MAN1C1: variants seen among roughly 807,000 people sequenced by gnomAD.
MAN1C1 encodes the protein mannosidase alpha class 1C member 1, also known as mannosyl-oligosaccharide 1,2-alpha-mannosidase IC.
In MAN1C1, 49 loss-of-function variants were observed where a neutral mutation model predicts 71.5. The ratio of observed to expected loss-of-function variants is 0.69; its 90% CI spans 0.54 to 0.87. The LOEUF (loss-of-function observed/expected upper bound fraction) is 0.87, where lower values mean the gene tolerates loss of function less well. Among genes scored for constraint, MAN1C1 ranks in the 40% least tolerant of loss-of-function variants. The pLI is 0.00. For synonymous variants in MAN1C1, 352 were observed against 343.7 expected, an observed-to-expected ratio of 1.02 and a Z score of -0.27; for missense variants, 743 against 835.0, an observed-to-expected ratio of 0.89 and a Z score of 1.36.
chr1:25,679,178 G>A (rs559584587), intron 1 of MAN1C1, among the ~76,000 whole-genome samples: 1 of 152,332 alleles, frequency 6.6e-6, no homozygotes, highest in African/African-American at 2.4e-5. Flanking sequence ...GGGCATGAGG[G>A]CTGAAGCCTG....
chr1:25,715,567 C>T (rs2046669757), intron 2 of MAN1C1, among the ~76,000 whole-genome samples: 1 of 152,238 alleles, frequency 6.6e-6, no homozygotes, highest in Non-Finnish European at 1.5e-5. Context: ...GCTCTGCCCT[C>T]AGAGAGCATC....
intron 6 of MAN1C1, among the ~76,000 whole-genome samples, chr1:25,762,995 CA>C (rs1285552126): frequency 2.0e-5 from 3 of 152,030 alleles, no homozygotes; most frequent in Non-Finnish European, 4.4e-5. Flanking sequence ...AGGCCAGGCA[CA>C]GTGACTCACG....
chr1:25,713,208 T>C (rs1307588923), intron 2 of MAN1C1, among the ~76,000 whole-genome samples: 4 of 151,450 alleles, frequency 2.6e-5, no homozygotes, highest in Admixed American at 6.6e-5. Context: ...CAGTGCTCTT[T>C]CTACTATATG....
intron 2 of MAN1C1, among the ~76,000 whole-genome samples, chr1:25,699,384 A>G (rs969693448): frequency 1.3e-5 from 2 of 151,712 alleles, no homozygotes; most frequent in Non-Finnish European, 2.9e-5. Flanking sequence ...AAAGTCCTAG[A>G]TGGGAGATGT....
In MAN1C1 at chr1:25,617,084, T is replaced by C. The variant is rs1288184603; in HGVS notation, c.-714T>C. On this transcript the variant is annotated 5_prime_UTR_variant, in exon 1 of 12. Transcript: ENST00000374332. This position sits in a 1 kb window ranked among gnomAD's most constrained non-coding sequence, Gnocchi z 5.1. ...CCGCGGCTCCGGACCCAGGCATCCC[T>C]GCGCTGTCTGGGGCCCGGGGGAAGC... is the stretch of plus-strand genomic sequence containing the variant. 6.6e-6 allele frequency among the ~76,000 whole-genome samples: 1 copy of C among 151,754 alleles called. No individual in the cohort carries two copies. The highest frequency in any genetic ancestry group is 1.5e-5 in the Non-Finnish European group (1 of 67,876).
intron 2 of MAN1C1, among the ~76,000 whole-genome samples, chr1:25,743,878 TG>T (rs1314044173): frequency 2.6e-5 from 4 of 151,822 alleles, no homozygotes; most frequent in Non-Finnish European, 5.9e-5. Flanking sequence ...CTGATCAGAG[TG>T]GGTGGGGTGG....
At chr1:25,781,425 G>T (rs549104538) in intron 10 of MAN1C1, among the ~76,000 whole-genome samples, 50 of 146,164 alleles carry the variant, frequency 3.4e-4, no homozygotes, top group African/African-American at 1.1e-3. Flanking sequence ...CACCACGCAG[G>T]CACCACGCGG....
Position 25,617,981 on chromosome 1 carries a change from G to A in MAN1C1, c.184G>A (p.Gly62Ser). 6.2e-7 allele frequency: 1 copy of A among 1,607,028 alleles called. No individual in the cohort carries two copies. Among genetic ancestry groups the A allele is most frequent in the Non-Finnish European group, 8.5e-7 (1 of 1,177,618 alleles). ...CCTGGCCCCCCGGACCCAGCAGCCTGGTCTGGAAGTGGTGGCTGAAATCGC... is the reference window on the plus strand; with the variant it reads ...CCTGGCCCCCCGGACCCAGCAGCCTAGTCTGGAAGTGGTGGCTGAAATCGC... ...LFLAPRTQQP[G>S]LEVVAEIAGH... is the part of the protein sequence containing the mutation. The change falls in exon 1 of 12, where the codon GGT becomes AGT. Residue 62 changes from glycine (G) to serine (S), a missense_variant. By Grantham distance (56) the Gly-to-Ser change is moderately conservative. Transcript: ENST00000374332. The surrounding 1 kb of genome is among the most constrained non-coding windows in gnomAD (Gnocchi z 5.1).
intron 8 of MAN1C1, 93 bp downstream of exon 8, chr1:25,771,865 A>G (rs1325775110): frequency 4.3e-6 from 4 of 920,836 alleles, no homozygotes; most frequent in Admixed American, 3.7e-5. Context: ...GCGGGGCCAG[A>G]TGGGCCGAGA....
chr1:25,722,427 C>T (rs2046779142), intron 2 of MAN1C1, among the ~76,000 whole-genome samples: 1 of 152,136 alleles, frequency 6.6e-6, no homozygotes, highest in African/African-American at 2.4e-5. Context: ...GCTGGTCCTC[C>T]AATTTATCTT....
intron 1 of MAN1C1, among the ~76,000 whole-genome samples, chr1:25,657,871 G>T (rs1295515303): frequency 6.6e-6 from 1 of 152,212 alleles, no homozygotes; most frequent in Non-Finnish European, 1.5e-5. Flanking sequence ...TCTGCATTGA[G>T]GCCCCAGGGA....
chr1:25,742,090 C>A (rs1317459140), intron 2 of MAN1C1, among the ~76,000 whole-genome samples: 1 of 152,198 alleles, frequency 6.6e-6, no homozygotes, highest in African/African-American at 2.4e-5. Flanking sequence ...AAGAGGTTAG[C>A]TAGTGGAACC....
Position 25,779,794 on chromosome 1 carries a change from G to A in MAN1C1, c.1478-1146G>A, listed in dbSNP as rs1347501035. Among the ~76,000 whole-genome samples the A allele has an allele frequency of 6.6e-6, 1 of 152,214 alleles. No homozygotes were observed. The highest frequency in any genetic ancestry group is 1.5e-5 in the Non-Finnish European group (1 of 68,038). ...CTCTTCCCTGAAGCCCTCCATGGAAGAGCAGGAAGTCCTGCAAACCTCTAA... is the reference window on the plus strand; with the variant it reads ...CTCTTCCCTGAAGCCCTCCATGGAAAAGCAGGAAGTCCTGCAAACCTCTAA... On this transcript the variant is annotated intron_variant, in intron 9 of 11. Transcript: ENST00000374332. The surrounding 1 kb of genome is among the most constrained non-coding windows in gnomAD (Gnocchi z 4.6).
intron 2 of MAN1C1, chr1:25,709,889 G>T (rs1572166237): frequency 6.6e-6 from 1 of 152,168 alleles, no homozygotes; most frequent in Admixed American, 6.6e-5. Context: ...AGGATTACAG[G>T]CGCCCGCAAC....
rs1057254512 is a variant in MAN1C1 at position 25,753,998 on chromosome 1, G to A, written c.929+420G>A. ...TTCCCCCGCTGGGGTTCCGGAGCCA[G>A]CAGGCACATCACACCATCCTCCTCC... On this transcript the variant is annotated intron_variant, in intron 5 of 11. Transcript: ENST00000374332. This position sits in a 1 kb window ranked among gnomAD's most constrained non-coding sequence, Gnocchi z 4.9. 3.9e-5 allele frequency among the ~76,000 whole-genome samples: 6 copies of A among 152,156 alleles called. No homozygotes were observed. The highest frequency in any genetic ancestry group is 1.9e-4 in the East Asian group (1 of 5,192).
chr1:25,634,571 G>A lies in MAN1C1; in HGVS notation c.540+16234G>A, dbSNP rs1482961354. ...ATGGTGGCTCACACCTGTAATCCTA[G>A]CACTTTGAGAGGCTGAGGTGGGAGG... On this transcript the variant is annotated intron_variant, in intron 1 of 11. Coordinates refer to ENST00000374332, the MANE Select transcript of MAN1C1 (RefSeq NM_020379.4). The surrounding 1 kb of genome is among the most constrained non-coding windows in gnomAD (Gnocchi z 4.6). Among the ~76,000 whole-genome samples, 2 of 152,162 alleles carry A rather than the reference G, an allele frequency of 1.3e-5. No individual in the cohort carries two copies. The highest frequency in any genetic ancestry group is 4.8e-5 in the African/African-American group (2 of 41,430).
At chr1:25,774,238 GA>G (rs1242956050) in intron 8 of MAN1C1, among the ~76,000 whole-genome samples, 1 of 152,232 alleles carries the variant, frequency 6.6e-6, no homozygotes, top group Non-Finnish European at 1.5e-5. Context: ...GGGTCAGACA[GA>G]TCGGACTGGG....
At chr1:25,771,861 C>T (rs2047557531) in intron 8 of MAN1C1, 89 bp downstream of exon 8, 3 of 954,720 alleles carry the variant, frequency 3.1e-6, no homozygotes, top group Non-Finnish European at 5.0e-6. Context: ...GGCAGCGGGG[C>T]CAGATGGGCC....
At chr1:25,694,468 A>G (rs1189602883) in intron 2 of MAN1C1, among the ~76,000 whole-genome samples, 1 of 152,242 alleles carries the variant, frequency 6.6e-6, no homozygotes, top group Non-Finnish European at 1.5e-5. Context: ...GTTAAGAGGC[A>G]AAATGAACAC....
Sources: gnomAD v4.1 joint callset for allele counts (sites outside exome capture counted in the v4.1 genomes callset) on GRCh38, gnomAD v4.1.1 for gene constraint, Gnocchi (gnomAD v3.1) non-coding constraint, MANE v1.5 for transcripts, NCBI Gene and HGNC (gene_info 2026-07-23, HGNC 2026-07-21) for gene names.